The following CP variants were observed in gnomAD, a reference collection of about 807,000 sequenced individuals.
CP encodes the protein ceruloplasmin, also known as caeruloplasmin.
A neutral mutation model predicts 122.4 loss-of-function variants in CP; 64 were observed. That is an observed-to-expected ratio of 0.52 (90% CI 0.43 to 0.64). CP has a LOEUF of 0.64. CP is among the 30% of genes least tolerant of loss of function. CP has a pLI of 0.00. For synonymous variants in CP, 440 were observed against 436.4 expected, an observed-to-expected ratio of 1.01 and a Z score of -0.10; for missense variants, 1,167 against 1,284.4, an observed-to-expected ratio of 0.91 and a Z score of 1.40.
At chr3:149,212,791 T>C in intron 1 of CP, 93 bp from the exon 2 acceptor site, 1 of 1,418,564 alleles carries the variant, frequency 7.0e-7, no homozygotes, top group South Asian at 1.3e-5. Context: ...TTAGAGAAAT[T>C]AATGAGCACA....
downstream of CP, among the ~76,000 whole-genome samples, chr3:149,171,484 T>A (rs960032418): frequency 6.6e-6 from 1 of 152,180 alleles, no homozygotes; most frequent in Non-Finnish European, 1.5e-5. Flanking sequence ...TTCAAATGAT[T>A]GTACTTTTCT....
chr3:149,219,918 C>G (rs1174347278), intron 1 of CP, among the ~76,000 whole-genome samples: 1 of 152,048 alleles, frequency 6.6e-6, no homozygotes. Context: ...CCTTTGCCTT[C>G]CACCATGATT....
chr3:149,189,101 A>G (rs750212776), intron 9 of CP, among the ~76,000 whole-genome samples: 7 of 152,254 alleles, frequency 4.6e-5, no homozygotes, highest in African/African-American at 7.2e-5. Context: ...TATAAAAGGA[A>G]GAGGCACAAT....
Position 149,212,492 on chromosome 3 carries a change from G to GT in CP, c.352dup (p.Thr118AsnfsTer11). The GT allele has an allele frequency of 6.2e-7, 1 of 1,613,932 alleles. No homozygotes were observed. The highest frequency in any genetic ancestry group is 8.5e-7 in the Non-Finnish European group (1 of 1,179,916). On this transcript the variant is annotated frameshift_variant, in exon 2 of 19. Transcript: ENST00000264613. LOFTEE classifies it high-confidence loss of function. ...GTAAGTTATTCCATGTGAATGAAAG[G>GT]TGTAGGGCCTAGAGGCAAGGTTTTT...
At chr3:149,169,773 T>C (rs1282803264), downstream of CP, among the ~76,000 whole-genome samples, 2 of 152,230 alleles carry the variant, frequency 1.3e-5, no homozygotes, top group African/African-American at 4.8e-5. Context: ...GTACTGTTTT[T>C]GTAATGAACC....
chr3:149,167,046 G>T (rs1724495854), intron 4 of CP: 2 of 1,612,050 alleles, frequency 1.2e-6, no homozygotes, highest in African/African-American at 1.3e-5. Context: ...TCTTATATGT[G>T]GTCCTTCATT....
At chr3:149,181,974 G>GGGGGGGGGGGGGGGC in intron 14 of CP, 31 bp downstream of exon 14, 12 of 1,356,690 alleles carry the variant, frequency 8.8e-6, no homozygotes, top group Non-Finnish European at 1.2e-5. Context: ...CTGTTAAAAT[G>GGGGGGGGGGGGGGGC]CACCACCCCC....
chr3:149,177,754 A>AT, intron 17 of CP, 86 bp downstream of exon 17: 1 of 1,458,894 alleles, frequency 6.9e-7, no homozygotes, highest in South Asian at 1.1e-5. Context: ...GCTTTTTTTC[A>AT]TAAGTCTCTC....
intron 11 of CP, chr3:149,186,168 T>A (rs1310046299): frequency 5.8e-6 from 2 of 344,688 alleles, no homozygotes; most frequent in East Asian, 1.4e-4. Context: ...AGAGACATGA[T>A]GAAAAGTTTA....
intron 18 of CP, 65 bp downstream of exon 18, chr3:149,176,185 G>A (rs1725403133): frequency 1.4e-6 from 2 of 1,470,342 alleles, no homozygotes. Context: ...AAGTATTTAG[G>A]CAAAGTAGTT....
rs1322132329 is a variant in CP, at chr3:149,199,838, C to T, written c.1375G>A (p.Asp459Asn). Reference protein sequence around the residue: ...LGPVIWAEVGDTIRVTFHNKG... With the variant: ...LGPVIWAEVGNTIRVTFHNKG... ...TTATGGAAGGTTACTCTGATGGTGT[C>T]TCCCACCTCTGCCCAAATGACAGGA... Residue 459 changes from aspartate to asparagine, a missense_variant, in exon 8 of 19, where the codon GAC becomes AAC. By Grantham distance (23) the Asp-to-Asn change is conservative. Coordinates refer to ENST00000264613, the MANE Select transcript of CP (RefSeq NM_000096.4). 6.2e-7 allele frequency: 1 copy of T among 1,614,120 alleles called. No individual in the cohort carries two copies. Among genetic ancestry groups the T allele is most frequent in the South Asian group, 1.1e-5 (1 of 91,082 alleles).
At chr3:149,220,005 T>A (rs780005299) in intron 1 of CP, among the ~76,000 whole-genome samples, 1 of 152,254 alleles carries the variant, frequency 6.6e-6, no homozygotes, top group Non-Finnish European at 1.5e-5. Flanking sequence ...GTCTTGAGTA[T>A]GTCTCTATTA....
At chr3:149,196,852 A>G (rs1391391541) in intron 9 of CP, among the ~76,000 whole-genome samples, 1 of 152,242 alleles carries the variant, frequency 6.6e-6, no homozygotes, top group Non-Finnish European at 1.5e-5. Flanking sequence ...ATCCCCTGTG[A>G]CTTGCACGTA....
intron 8 of CP, among the ~76,000 whole-genome samples, chr3:149,199,325 G>A (rs1047056187): frequency 3.3e-5 from 5 of 152,076 alleles, no homozygotes; most frequent in Admixed American, 2.6e-4. Context: ...ATATAAGAGC[G>A]ATTGCTTATA....
rs570078321 is a variant in CP, at chr3:149,185,545, C to G, written c.2078-99G>C. On this transcript the variant is annotated intron_variant, in intron 11 of 18. Transcript: ENST00000264613. ...AATGCTGAAGTCCTTATCATGGCCT[C>G]AGGTGATCTAGCTTTCCACACCTTC... 8.6e-5 allele frequency: 96 copies of G among 1,114,766 alleles called. No individual in the cohort carries two copies. The South Asian group carries it at 1.1e-3, about 13-fold the overall frequency. The allele number at this position is 1,114,766 out of a possible 1,614,324, so 69.1% of individuals were successfully genotyped here. A position where few individuals can be genotyped will look rare whatever the true frequency, so the allele number is the denominator to read the frequency against.
At chr3:149,181,901 C>T in intron 14 of CP, 104 bp downstream of exon 14, 1 of 1,312,104 alleles carries the variant, frequency 7.6e-7, no homozygotes, top group South Asian at 1.2e-5. Context: ...CAACTACCTC[C>T]CTTTTCACTT....
chr3:149,207,680 C>T (rs1204440541), intron 4 of CP, 63 bp from the exon 5 acceptor site: 3 of 1,558,152 alleles, frequency 1.9e-6, no homozygotes, highest in Non-Finnish European at 1.8e-6. Flanking sequence ...TGAGAGTTAC[C>T]TCTATATAAA....
In CP at chr3:149,199,791, A is replaced by G. The variant is rs570042183; in HGVS notation, c.1422T>C (p.Ser474=). ...TFHNKGAYPL[S]IEPIGVRFNK... ...TGAATCTCACCCCAATCGGCTCAAT[A>G]CTGAGGGGATATGCTCCTTTGTTAT... The change falls in exon 8 of 19, where the codon AGT becomes AGC. Residue 474 remains serine, a synonymous_variant. Transcript: ENST00000264613. 34 of 1,614,148 alleles carry G rather than the reference A, an allele frequency of 2.1e-5. No homozygotes were observed. The East Asian group carries it at 5.6e-4, about 26-fold the overall frequency.
At chr3:149,171,148 C>T (rs1344777594), downstream of CP, among the ~76,000 whole-genome samples, 2 of 151,982 alleles carry the variant, frequency 1.3e-5, no homozygotes, top group African/African-American at 2.4e-5. Flanking sequence ...CGTGGTGGTG[C>T]GCACCTGTAG....
Sources: gnomAD v4.1 joint callset for allele counts (sites outside exome capture counted in the v4.1 genomes callset) on GRCh38, gnomAD v4.1.1 for gene constraint, MANE v1.5 for transcripts, NCBI Gene and HGNC (gene_info 2026-07-23, HGNC 2026-07-21) for gene names.